Variants in ABCB4 observed in about 807,000 individuals in gnomAD.
ABCB4 encodes phosphatidylcholine translocator ABCB4.
ABCB4 carries 76 observed loss-of-function variants against 145.7 expected under a neutral mutation model. The observed-to-expected ratio is 0.52, with a 90% CI of 0.43 to 0.63. The LOEUF (loss-of-function observed/expected upper bound fraction) is 0.63, where lower values mean the gene tolerates loss of function less well. Among genes scored for constraint, ABCB4 ranks in the 30% least tolerant of loss-of-function variants. The probability of loss-of-function intolerance (pLI) is 0.00; values close to 1 mark genes in which losing one functional copy is unlikely to be tolerated. For missense variants in ABCB4, 1,234 were observed against 1,553.1 expected (o/e 0.79, Z 3.45); for synonymous variants, 517 against 566.8 (o/e 0.91, Z 1.25).
rs574710910 is a variant in ABCB4 at position 87,406,594 on chromosome 7, G to A, written c.3280-100C>T. The A allele has an allele frequency of 2.4e-5, 31 of 1,284,784 alleles. No individual in the cohort carries two copies. The African/African-American group carries it at 3.3e-4, about 14-fold the overall frequency. 79.6% of individuals were successfully genotyped at this position (1,284,784 alleles called of 1,614,324 possible). A position where few individuals can be genotyped will look rare whatever the true frequency, so the allele number is the denominator to read the frequency against. ...ATTTGGAGGATCGTTGCATGAGGGT[G>A]TCAGCAGCTTCAAAACAACAACCCT... On this transcript the variant is annotated intron_variant, in intron 25 of 27. Transcript: ENST00000649586.
Position 87,417,536 on chromosome 7 carries a change from A to T in ABCB4, c.2479-21T>A, listed in dbSNP as rs761647624. The T allele has an allele frequency of 5.0e-6, 8 of 1,609,000 alleles. No homozygotes were observed. In the African/African-American group the frequency reaches 9.4e-5, roughly 19 times the overall value. On this transcript the variant is annotated intron_variant, in intron 20 of 27. Transcript: ENST00000649586. ...GTGGCCTGGGAGAGAAAAAGCACAAAGCAACTGTAGTTTTAAGCTCCAAAT... is the reference window on the plus strand; with the variant it reads ...GTGGCCTGGGAGAGAAAAAGCACAATGCAACTGTAGTTTTAAGCTCCAAAT...
chr7:87,455,197 A>G (rs1000137774), intron 4 of ABCB4, among the ~76,000 whole-genome samples: 1 of 152,230 alleles, frequency 6.6e-6, no homozygotes, highest in Non-Finnish European at 1.5e-5. Context: ...CAATTAGTGA[A>G]CATCCTGCAT....
intron 12 of ABCB4, among the ~76,000 whole-genome samples, chr7:87,443,013 A>G (rs1811088198): frequency 6.6e-6 from 1 of 151,964 alleles, no homozygotes; most frequent in Non-Finnish European, 1.5e-5. Flanking sequence ...GTTTGACCAA[A>G]CTCTAACTCA....
rs1329852173 is a variant in ABCB4, at chr7:87,475,030, G to A, written c.80+356C>T. On this transcript the variant is annotated intron_variant, in intron 2 of 27. Transcript: ENST00000649586. ...CAGATGTCTGACACCCTTTAAGTCT[G>A]AACAATCAGATGATGTATATGAAAG... Among the ~76,000 whole-genome samples, 4 of 152,180 alleles carry A rather than the reference G, an allele frequency of 2.6e-5. No individual in the cohort carries two copies. In the South Asian group the frequency reaches 6.2e-4, roughly 24 times the overall value.
chr7:87,439,720 T>C lies in ABCB4; in HGVS notation c.1678A>G (p.Thr560Ala). Residue 560 changes from threonine to alanine, a missense_variant, in exon 14 of 28, where the codon ACG (threonine) becomes GCG (alanine). Physicochemically the swap from Thr to Ala is moderately conservative, Grantham distance 58. Coordinates refer to ENST00000649586, the MANE Select transcript of ABCB4 (RefSeq NM_000443.4). ...NPKILLLDEA[T>A]SALDTESEAE... ...TCACTTTCTGTGTCCAATGCTGACG[T>C]GGCCTCATCCAGCAGAAGGATCTTG... 1 of 1,614,196 alleles carries C rather than the reference T, an allele frequency of 6.2e-7. No homozygotes were observed. Among genetic ancestry groups the C allele is most frequent in the South Asian group, 1.1e-5 (1 of 91,084 alleles).
chr7:87,404,850 A>T (rs945641334), intron 26 of ABCB4, among the ~76,000 whole-genome samples: 1 of 152,234 alleles, frequency 6.6e-6, no homozygotes, highest in African/African-American at 2.4e-5. Context: ...TGGTAAAAAT[A>T]AAAACTAATG....
At chr7:87,424,716 AT>A (rs1809690507) in intron 16 of ABCB4, among the ~76,000 whole-genome samples, 1 of 152,064 alleles carries the variant, frequency 6.6e-6, no homozygotes, top group African/African-American at 2.4e-5. Flanking sequence ...TTGTTTACAT[AT>A]TTCCATTTCT....
At chr7:87,392,456 A>G in the ABCB4 span, 1 of 791,152 alleles carries the variant, frequency 1.3e-6, no homozygotes, top group Middle Eastern at 2.9e-4. Context: ...CTTCCTAGAA[A>G]TCTTTCCTCT....
At chr7:87,410,565 G>A (rs1808548964) in intron 23 of ABCB4, among the ~76,000 whole-genome samples, 1 of 152,050 alleles carries the variant, frequency 6.6e-6, no homozygotes, top group Non-Finnish European at 1.5e-5. Flanking sequence ...ACTTTCCAAC[G>A]GTTTTCACTT....
intron 3 of ABCB4, among the ~76,000 whole-genome samples, chr7:87,469,974 C>T (rs1240590760): frequency 1.3e-5 from 2 of 152,174 alleles, no homozygotes; most frequent in East Asian, 1.9e-4. Flanking sequence ...AACTATACTA[C>T]AAGGCTACAG....
At position 87,403,180 on chromosome 7, in the gene ABCB4, G is replaced by A. The variant is rs370310867; in HGVS notation, c.3588C>T (p.Leu1196=). 25 of 1,613,946 alleles carry A rather than the reference G, an allele frequency of 1.5e-5. No homozygotes were observed. The highest frequency in any genetic ancestry group is 8.5e-6 in the Non-Finnish European group (10 of 1,179,990). Residue 1196 remains leucine (L), a synonymous_variant, in exon 27 of 28, where the codon CTC becomes CTT. Transcript: ENST00000649586. The part of the protein sequence containing the change: ...ARALIRQPQI[L]LLDEATSALD... ...GAGCTGATGTAGCTTCATCCAACAGGAGGATTTGAGGTTGTCTGATGAGGG... is the reference window on the plus strand; with the variant it reads ...GAGCTGATGTAGCTTCATCCAACAGAAGGATTTGAGGTTGTCTGATGAGGG...
chr7:87,426,822 C>A lies in ABCB4; in HGVS notation c.1992G>T (p.Arg664Ser). The change falls in exon 16 of 28, where the codon AGG becomes AGT. Residue 664 changes from arginine (R) to serine (S), a missense_variant. Around this residue, in one of 7 missense-constraint regions of ABCB4, gnomAD observed 321 missense variants for 332.6 expected, o/e 0.97. Transcript: ENST00000649586. ...APNGWKSRLF[R>S]HSTQKNLKNS... ...TTTTAAGGTTTTTCTGAGTAGAATG[C>A]CTAAATAGGCGAGATTTCCAGCCAT... 1.2e-6 allele frequency: 2 copies of A among 1,613,924 alleles called. No homozygotes were observed. The highest frequency in any genetic ancestry group is 8.5e-7 in the Non-Finnish European group (1 of 1,179,898).
intron 14 of ABCB4, among the ~76,000 whole-genome samples, chr7:87,435,863 T>A (rs1584733767): frequency 6.6e-6 from 1 of 152,014 alleles, no homozygotes. Context: ...GAGTGGTAGG[T>A]GGTGGTTGAA....
chr7:87,382,081 A>AGAAG, the ABCB4 span: 1 of 1,610,100 alleles, frequency 6.2e-7, no homozygotes. Context: ...CAGGGTTCAG[A>AGAAG]GAAGGTACGA....
intron 4 of ABCB4, among the ~76,000 whole-genome samples, chr7:87,460,719 C>T (rs1170827647): frequency 2.0e-5 from 3 of 151,392 alleles, no homozygotes; most frequent in African/African-American, 7.3e-5. Flanking sequence ...GGCACCATCT[C>T]GGCTCACTAC....
chr7:87,445,068 A>T, intron 9 of ABCB4, 93 bp from the exon 10 acceptor site: 2 of 862,418 alleles, frequency 2.3e-6, no homozygotes, highest in Non-Finnish European at 3.7e-6. Flanking sequence ...TACATAAAGG[A>T]TTAAGTTTAG....
chr7:87,456,513 T>G (rs1427301926), intron 4 of ABCB4, among the ~76,000 whole-genome samples: 2 of 152,190 alleles, frequency 1.3e-5, no homozygotes, highest in Non-Finnish European at 1.5e-5. Flanking sequence ...GTGACACATC[T>G]GCTCCCCATT....
chr7:87,435,873 A>G (rs949028784), intron 14 of ABCB4, among the ~76,000 whole-genome samples: 1 of 152,234 alleles, frequency 6.6e-6, no homozygotes, highest in African/African-American at 2.4e-5. Flanking sequence ...TGGTGGTTGA[A>G]AGGAAGGTGA....
At chr7:87,398,695 C>T, downstream of ABCB4, 2 of 1,567,778 alleles carry the variant, frequency 1.3e-6, no homozygotes, top group Non-Finnish European at 1.7e-6. Flanking sequence ...AAACTGAGTG[C>T]TGGGAGTGAG....
Sources: allele counts gnomAD v4.1 joint callset (sites outside exome capture counted in the v4.1 genomes callset), GRCh38; gene constraint gnomAD v4.1.1; regional missense constraint gnomAD v4.1.1; transcripts MANE v1.5; gene names NCBI Gene and HGNC (gene_info 2026-07-23, HGNC 2026-07-21).